The following CREB5 variants were observed in gnomAD, a reference collection of about 807,000 sequenced individuals.
CREB5 encodes the protein cAMP responsive element binding protein 5, also known as cyclic AMP-responsive element-binding protein 5.
CREB5 carries 19 observed loss-of-function variants against 57.1 expected under a neutral mutation model. The observed-to-expected ratio is 0.33, with a 90% CI of 0.23 to 0.49. The LOEUF is 0.49. CREB5 is among the 20% of genes least tolerant of loss of function. The pLI, the probability that CREB5 is intolerant of heterozygous loss-of-function variation, is 0.99. For missense variants in CREB5, 579 were observed against 671.6 expected, an observed-to-expected ratio of 0.86 and a Z score of 1.52; for synonymous variants, 238 against 238.3, an observed-to-expected ratio of 1.00 and a Z score of 0.01.
At chr7:28,751,200 G>A (rs1804956762) in intron 7 of CREB5, among the ~76,000 whole-genome samples, 1 of 122,024 alleles carries the variant, frequency 8.2e-6, no homozygotes, top group Non-Finnish European at 1.7e-5. Flanking sequence ...GCCAGGGGTG[G>A]GGGGTGGGGG....
chr7:28,513,235 A>G (rs184340011), intron 4 of CREB5, among the ~76,000 whole-genome samples: 14 of 152,348 alleles, frequency 9.2e-5, no homozygotes, highest in African/African-American at 3.4e-4. Flanking sequence ...GGAAAATAAA[A>G]GATGCCAAGT....
intron 7 of CREB5, among the ~76,000 whole-genome samples, chr7:28,743,032 C>T (rs1046941072): frequency 4.6e-5 from 7 of 152,190 alleles, no homozygotes; most frequent in Admixed American, 1.3e-4. Context: ...GATCTGCCGG[C>T]GTCGGCCTTC....
chr7:28,554,807 C>G (rs1172986831), intron 4 of CREB5, among the ~76,000 whole-genome samples: 1 of 152,166 alleles, frequency 6.6e-6, no homozygotes, highest in Non-Finnish European at 1.5e-5. Flanking sequence ...GCCACAAGCT[C>G]TAGGTATGCT....
intron 1 of CREB5, among the ~76,000 whole-genome samples, chr7:28,313,274 C>T (rs1188603173): frequency 1.3e-5 from 2 of 152,154 alleles, no homozygotes; most frequent in Non-Finnish European, 2.9e-5. Context: ...TGCCATCTTC[C>T]GAGAGCCTGA....
At chr7:28,435,822 AG>A (rs1159217349) in intron 1 of CREB5, 3 of 269,446 alleles carry the variant, frequency 1.1e-5, no homozygotes, top group African/African-American at 6.9e-5. Flanking sequence ...TTCTTGGCTG[AG>A]AGCTGGAAGA....
At chr7:28,781,137 T>A (rs4722849) in intron 7 of CREB5, among the ~76,000 whole-genome samples, 42,113 of 152,106 alleles carry the variant, frequency 0.28, 6,645 homozygotes, top group South Asian at 0.41. Context: ...CTAAGTCGAC[T>A]CTCTGAGCAA....
intron 1 of CREB5, among the ~76,000 whole-genome samples, chr7:28,326,519 A>G (rs1010418756): frequency 6.6e-6 from 1 of 152,158 alleles, no homozygotes; most frequent in Admixed American, 6.5e-5. Context: ...CAGTAGGTGC[A>G]TTCATTCTGT....
intron 7 of CREB5, among the ~76,000 whole-genome samples, chr7:28,775,426 TATC>T (rs1001333114): frequency 6.6e-6 from 1 of 151,954 alleles, no homozygotes; most frequent in African/African-American, 2.4e-5. Flanking sequence ...AACATCCATC[TATC>T]CACTACCTAT....
intron 5 of CREB5, among the ~76,000 whole-genome samples, chr7:28,694,525 T>C (rs1801438688): frequency 6.6e-6 from 1 of 152,164 alleles, no homozygotes; most frequent in African/African-American, 2.4e-5. Context: ...AGAACTTCCT[T>C]AGTAGTAGAA....
intron 1 of CREB5, among the ~76,000 whole-genome samples, chr7:28,393,207 C>T (rs187776019): frequency 3.9e-5 from 6 of 152,280 alleles, no homozygotes; most frequent in Admixed American, 6.5e-5. Context: ...GATTTATAGG[C>T]GTGAGCCACC....
At chr7:28,708,102 G>C (rs777934277) in intron 5 of CREB5, among the ~76,000 whole-genome samples, 2 of 152,196 alleles carry the variant, frequency 1.3e-5, no homozygotes, top group Non-Finnish European at 2.9e-5. Context: ...CGGTGATTGA[G>C]ATAGAGCCTG....
At chr7:28,590,123 T>C (rs1042492964) in intron 5 of CREB5, among the ~76,000 whole-genome samples, 11 of 152,176 alleles carry the variant, frequency 7.2e-5, no homozygotes, top group African/African-American at 2.7e-4. Flanking sequence ...AGTGTGGCGA[T>C]TCCTCAGGGA....
chr7:28,679,395 C>T (rs1419338764), intron 5 of CREB5, among the ~76,000 whole-genome samples: 1 of 152,108 alleles, frequency 6.6e-6, no homozygotes, highest in Non-Finnish European at 1.5e-5. Context: ...GCCTTGGAAA[C>T]CAGTGGCTTA....
chr7:28,401,386 A>AT (rs143527974), intron 1 of CREB5, among the ~76,000 whole-genome samples: 1,797 of 149,074 alleles, frequency 0.012, 15 homozygotes, highest in Non-Finnish European at 0.019. Flanking sequence ...GTCTATTGTT[A>AT]TTTTTTTTTT....
intron 1 of CREB5, among the ~76,000 whole-genome samples, chr7:28,479,083 T>C (rs1791209777): frequency 6.6e-6 from 1 of 152,208 alleles, no homozygotes; most frequent in Non-Finnish European, 1.5e-5. Context: ...TCCTTTCATC[T>C]CCTCTTCTGT....
chr7:28,529,551 G>T (rs1206136563), intron 4 of CREB5, among the ~76,000 whole-genome samples: 1 of 152,174 alleles, frequency 6.6e-6, no homozygotes, highest in Non-Finnish European at 1.5e-5. Context: ...GAGTAAGAGG[G>T]TGGTACCTTT....
rs541212004 is a variant in CREB5, at chr7:28,824,992, T to C, written c.*5713T>C. 2 of 152,768 alleles carry C rather than the reference T, an allele frequency of 1.3e-5. No homozygotes were observed. The highest frequency in any genetic ancestry group is 1.9e-4 in the East Asian group (1 of 5,180). The allele number at this position is 152,768 out of a possible 1,614,324, so 9.5% of individuals were successfully genotyped here. ...CTAAGCCATTTAAGATATTCTTACA[T>C]TGAGCTTCATATTATAGAACTTTAT... On this transcript the variant is annotated 3_prime_UTR_variant, in exon 11 of 11. Coordinates refer to ENST00000357727, the MANE Select transcript of CREB5 (RefSeq NM_182898.4).
intron 1 of CREB5, among the ~76,000 whole-genome samples, chr7:28,431,820 G>T (rs1788723156): frequency 6.6e-6 from 1 of 152,106 alleles, no homozygotes; most frequent in African/African-American, 2.4e-5. Flanking sequence ...AAAAAGTCCA[G>T]TGTGGGCAGA....
At chr7:28,366,818 G>C (rs894995068) in intron 1 of CREB5, among the ~76,000 whole-genome samples, 1 of 152,168 alleles carries the variant, frequency 6.6e-6, no homozygotes, top group African/African-American at 2.4e-5. Flanking sequence ...ATTTCTAATG[G>C]TTTTCTTTTC....
Sources: allele counts gnomAD v4.1 joint callset (sites outside exome capture counted in the v4.1 genomes callset), GRCh38; gene constraint gnomAD v4.1.1; transcripts MANE v1.5; gene names NCBI Gene and HGNC (gene_info 2026-07-23, HGNC 2026-07-21).